SNAP25: variants seen among roughly 807,000 people sequenced by gnomAD.
The protein encoded by SNAP25 is synaptosomal-associated protein 25.
A neutral mutation model predicts 28.7 loss-of-function variants in SNAP25; 3 were observed. The observed-to-expected ratio is 0.10, with a 90% CI of 0.05 to 0.27. The LOEUF is 0.27. Among genes scored for constraint, SNAP25 ranks in the 10% least tolerant of loss-of-function variants. SNAP25 has a pLI of 1.00. For missense variants in SNAP25, 117 were observed against 278.7 expected, an observed-to-expected ratio of 0.42 and a Z score of 4.13; for synonymous variants, 61 against 88.1, an observed-to-expected ratio of 0.69 and a Z score of 1.72.
At chr20:10,224,276 T>TTTTTTTTTTTTTTTTTTTTC (rs2062692750) in intron 1 of SNAP25, among the ~76,000 whole-genome samples, 1 of 134,140 alleles carries the variant, frequency 7.5e-6, no homozygotes, top group Admixed American at 7.4e-5. Flanking sequence ...TTTTTTTTTT[T>TTTTTTTTTTTTTTTTTTTTC]TTTTTTTTTT....
chr20:10,296,203 T>C (rs1480503077), intron 5 of SNAP25: 1 of 152,270 alleles, frequency 6.6e-6, no homozygotes. Context: ...CTCTCTTCTC[T>C]TTTCCTGCAT....
At chr20:10,279,222 G>A (rs1821035341) in intron 3 of SNAP25, among the ~76,000 whole-genome samples, 1 of 152,176 alleles carries the variant, frequency 6.6e-6, no homozygotes, top group African/African-American at 2.4e-5. Flanking sequence ...AAGTTTTCAG[G>A]AGGAAGAAAA....
rs774294489 is a variant in SNAP25 at position 10,306,963 on chromosome 20, T to A, written c.*766T>A. 2 of 152,590 alleles carry A rather than the reference T, an allele frequency of 1.3e-5. No individual in the cohort carries two copies. The highest frequency in any genetic ancestry group is 1.9e-4 in the East Asian group (1 of 5,202). 9.5% of individuals were successfully genotyped at this position (152,590 alleles called of 1,614,324 possible). A position where few individuals can be genotyped will look rare whatever the true frequency, so the allele number is the denominator to read the frequency against. On this transcript the variant is annotated 3_prime_UTR_variant, in exon 8 of 8. Coordinates refer to ENST00000254976, the MANE Select transcript of SNAP25 (RefSeq NM_130811.4). ...CTTCTAAATCATAATCATCCTTTTT[T>A]AAAAAAAAGAATTTTAAAAAAGATG... is the stretch of plus-strand genomic sequence containing the variant.
At chr20:10,219,952 C>T (rs2062597630) in intron 1 of SNAP25, among the ~76,000 whole-genome samples, 1 of 152,172 alleles carries the variant, frequency 6.6e-6, no homozygotes, top group African/African-American at 2.4e-5. Flanking sequence ...CTGTGTTGCC[C>T]TCTGACCCTT....
intron 6 of SNAP25, among the ~76,000 whole-genome samples, chr20:10,297,571 A>G (rs1164752898): frequency 6.6e-6 from 1 of 152,262 alleles, no homozygotes; most frequent in Non-Finnish European, 1.5e-5. Flanking sequence ...TAGCAATAGC[A>G]GGAAGTTGTT....
At chr20:10,252,739 T>C (rs1841577839) in intron 1 of SNAP25, among the ~76,000 whole-genome samples, 1 of 151,622 alleles carries the variant, frequency 6.6e-6, no homozygotes, top group African/African-American at 2.4e-5. Context: ...TCCAATATGA[T>C]ATAAAAGAAT....
At chr20:10,261,458 A>G (rs1446161492) in intron 1 of SNAP25, among the ~76,000 whole-genome samples, 1 of 152,188 alleles carries the variant, frequency 6.6e-6, no homozygotes, top group Non-Finnish European at 1.5e-5. Flanking sequence ...ATGGAAACAT[A>G]GGCAAGAATG....
At chr20:10,222,932 A>C (rs537163460) in intron 1 of SNAP25, among the ~76,000 whole-genome samples, 9 of 152,346 alleles carry the variant, frequency 5.9e-5, no homozygotes. Context: ...GAAAGTCAAG[A>C]ATCTGGTGAT....
chr20:10,283,447 A>G (rs1216671414), intron 3 of SNAP25, among the ~76,000 whole-genome samples: 3 of 152,216 alleles, frequency 2.0e-5, no homozygotes, highest in African/African-American at 7.2e-5. Flanking sequence ...AGCCCTGTCC[A>G]TACTACATCC....
chr20:10,246,081 C>G (rs1393075934), intron 1 of SNAP25, among the ~76,000 whole-genome samples: 1 of 152,200 alleles, frequency 6.6e-6, no homozygotes, highest in African/African-American at 2.4e-5. Context: ...TATGTTGACT[C>G]CACTTCTGTC....
At chr20:10,251,896 A>T (rs2063235694) in intron 1 of SNAP25, among the ~76,000 whole-genome samples, 1 of 152,256 alleles carries the variant, frequency 6.6e-6, no homozygotes, top group Admixed American at 6.5e-5. Context: ...GGAGATGGAA[A>T]GAACAGGAAC....
At position 10,293,042 on chromosome 20, in the gene SNAP25, CTTTCTTTTTTTTTT is replaced by C; in HGVS notation, c.164-108_164-95del. On this transcript the variant is annotated intron_variant, in intron 4 of 7. Transcript: ENST00000254976. The surrounding 1 kb of genome is among the most constrained non-coding windows in gnomAD (Gnocchi z 5.6). The stretch of plus-strand genomic sequence containing the variant: ...GCTCTAATCTGTGGCGTCCAGTTTT[CTTTCTTTTTTTTTT>C]TTTCTTTTTTAATGTCAAAGTGAAT... 3.6e-6 allele frequency: 5 copies of C among 1,401,176 alleles called. No homozygotes were observed. The highest frequency in any genetic ancestry group is 1.3e-5 in the South Asian group (1 of 74,732). The allele number at this position is 1,401,176 out of a possible 1,614,324, so 86.8% of individuals were successfully genotyped here.
chr20:10,304,668 TGTC>T (rs1386205642), intron 7 of SNAP25, among the ~76,000 whole-genome samples: 3 of 152,240 alleles, frequency 2.0e-5, no homozygotes. Context: ...TTTCTTGAAA[TGTC>T]GTGACTTTTT....
chr20:10,226,706 A>C (rs1296380517), intron 1 of SNAP25, among the ~76,000 whole-genome samples: 1 of 152,176 alleles, frequency 6.6e-6, no homozygotes, highest in Non-Finnish European at 1.5e-5. Flanking sequence ...GTATCTACAG[A>C]GAGATTGCTA....
In SNAP25 at chr20:10,274,709, G is replaced by A. The variant is rs536934929; in HGVS notation, c.-63-720G>A. On this transcript the variant is annotated intron_variant, in intron 1 of 7. Transcript: ENST00000254976. ...ATACAAAAAATTAGCCAGGTGTGGT[G>A]GTAGGCACCTGTAGTCCCAGCTACT... Among the ~76,000 whole-genome samples, 147 of 152,204 alleles carry A rather than the reference G, an allele frequency of 9.7e-4. 2 individuals are homozygous for A. Among genetic ancestry groups the A allele is most frequent in the African/African-American group, 3.3e-3 (135 of 41,510 alleles).
chr20:10,300,191 GT>G (rs924979416), intron 7 of SNAP25, among the ~76,000 whole-genome samples: 2 of 151,566 alleles, frequency 1.3e-5, no homozygotes, highest in African/African-American at 2.4e-5. Flanking sequence ...CTGGGAAGGG[GT>G]GGGTTTGGGG....
intron 1 of SNAP25, among the ~76,000 whole-genome samples, chr20:10,268,163 C>T (rs2063535465): frequency 6.6e-6 from 1 of 152,062 alleles, no homozygotes; most frequent in South Asian, 2.1e-4. Flanking sequence ...GAGAGTTGTC[C>T]CACTTGGTTT....
At chr20:10,230,372 G>A (rs1052413980) in intron 1 of SNAP25, among the ~76,000 whole-genome samples, 1 of 152,054 alleles carries the variant, frequency 6.6e-6, no homozygotes, top group African/African-American at 2.4e-5. Context: ...GGGGGAAAAT[G>A]GTTCCTTCTT....
intron 6 of SNAP25, 131 bp from the exon 7 acceptor site, chr20:10,299,137 G>T (rs1001872351): frequency 5.8e-6 from 6 of 1,032,910 alleles, no homozygotes; most frequent in African/African-American, 3.2e-5. Flanking sequence ...ATGTGTTTTT[G>T]TACTGGATGG....
Sources: allele counts gnomAD v4.1 joint callset (sites outside exome capture counted in the v4.1 genomes callset), GRCh38; gene constraint gnomAD v4.1.1; non-coding constraint Gnocchi (gnomAD v3.1); transcripts MANE v1.5; gene names NCBI Gene and HGNC (gene_info 2026-07-23, HGNC 2026-07-21).